SMOC2: variants seen among roughly 807,000 people sequenced by gnomAD.
SMOC2 encodes the protein SPARC related modular calcium binding 2, also known as SPARC-related modular calcium-binding protein 2.
In SMOC2, 39 loss-of-function variants were observed where a neutral mutation model predicts 61.4. The observed-to-expected ratio is 0.64, with a 90% CI of 0.49 to 0.83. The LOEUF (loss-of-function observed/expected upper bound fraction) is 0.83, where lower values mean the gene tolerates loss of function less well. Ranked by LOEUF, SMOC2 falls within the 40% of genes least tolerant of loss-of-function variation. The probability of loss-of-function intolerance (pLI) is 0.00; values close to 1 mark genes in which losing one functional copy is unlikely to be tolerated. For synonymous variants in SMOC2, 247 were observed against 239.9 expected (o/e 1.03, Z -0.27); for missense variants, 556 against 592.9 (o/e 0.94, Z 0.65).
chr6:168,524,552 G>T (rs1182475661), intron 2 of SMOC2, among the ~76,000 whole-genome samples: 1 of 152,168 alleles, frequency 6.6e-6, no homozygotes, highest in Non-Finnish European at 1.5e-5. Flanking sequence ...TCAAATATTA[G>T]ACCTAATTTA....
At chr6:168,518,565 G>A (rs984876323) in intron 2 of SMOC2, among the ~76,000 whole-genome samples, 1 of 150,134 alleles carries the variant, frequency 6.7e-6, no homozygotes, top group Non-Finnish European at 1.5e-5. Flanking sequence ...GTGAGTGCAT[G>A]TATGTGACAA....
At chr6:168,648,704 AC>A (rs1787110595) in intron 9 of SMOC2, among the ~76,000 whole-genome samples, 1 of 152,100 alleles carries the variant, frequency 6.6e-6, no homozygotes, top group Non-Finnish European at 1.5e-5. Context: ...ACTAACACAG[AC>A]CTTTTTGCAC....
intron 9 of SMOC2, among the ~76,000 whole-genome samples, chr6:168,620,412 C>T (rs556865865): frequency 1.3e-4 from 20 of 152,152 alleles, no homozygotes; most frequent in South Asian, 2.1e-4. Flanking sequence ...ATCCAGCTCC[C>T]GTACTCTGGA....
At chr6:168,510,173 T>A in intron 2 of SMOC2, 87 bp downstream of exon 2, 1 of 1,372,058 alleles carries the variant, frequency 7.3e-7, no homozygotes, top group Non-Finnish European at 1.0e-6. Context: ...TGATAACTTT[T>A]TACATTTACA....
rs1374903114 is a variant in SMOC2, at chr6:168,553,864, C to T, written c.637+4661C>T. 1.3e-5 allele frequency among the ~76,000 whole-genome samples: 2 copies of T among 152,114 alleles called. No individual in the cohort carries two copies. The highest frequency in any genetic ancestry group is 2.4e-5 in the African/African-American group (1 of 41,332). ...AACATGTGGAAGGCCAGCTGTCTCA[C>T]ATTTTGGTAGGAGGATTATTCCATG... On this transcript the variant is annotated intron_variant, in intron 7 of 12. Transcript: ENST00000356284. This position sits in a 1 kb window ranked among gnomAD's most constrained non-coding sequence, Gnocchi z 4.2.
intron 4 of SMOC2, among the ~76,000 whole-genome samples, chr6:168,538,911 TC>T: frequency 6.6e-6 from 1 of 152,158 alleles, no homozygotes; most frequent in African/African-American, 2.4e-5. Context: ...GCTGACCACA[TC>T]CCCGGAGTCC....
intron 1 of SMOC2, among the ~76,000 whole-genome samples, chr6:168,486,836 A>G (rs1458969287): frequency 1.3e-5 from 2 of 152,146 alleles, no homozygotes; most frequent in African/African-American, 2.4e-5. Context: ...TTCATTACCA[A>G]GTAGAAGTCC....
Position 168,530,722 on chromosome 6 carries a change from C to T in SMOC2, c.463+2995C>T, listed in dbSNP as rs558936831. ...TGACTTGCTGGTGAGGACAGAGCTG[C>T]GGGTGTGGTGGGAACTGGTACTGCC... On this transcript the variant is annotated intron_variant, in intron 4 of 12. Transcript: ENST00000356284. 6.5e-5 allele frequency among the ~76,000 whole-genome samples: 9 copies of T among 139,260 alleles called. No homozygotes were observed. In the South Asian group the frequency reaches 2.0e-3, roughly 30 times the overall value. The allele number at this position is 139,260 out of a possible 152,430, so 91.4% of individuals were successfully genotyped here. A position where few individuals can be genotyped will look rare whatever the true frequency, so the allele number is the denominator to read the frequency against.
rs1406563966 is a variant in SMOC2 at position 168,592,623 on chromosome 6, G to T, written c.638-6195G>T. 1.5e-4 allele frequency among the ~76,000 whole-genome samples: 19 copies of T among 126,416 alleles called. 1 individual carries two copies. The highest frequency in any genetic ancestry group is 2.5e-4 in the Non-Finnish European group (15 of 58,962). The allele number at this position is 126,416 out of a possible 152,430, so 82.9% of individuals were successfully genotyped here. On this transcript the variant is annotated intron_variant, in intron 7 of 12. Transcript: ENST00000356284. ...CGCGGAGCTCCTCCTCCTTCCTGAG[G>T]CTTCACGGGCATCTTTCTAGAGGAT...
At chr6:168,485,826 G>A (rs1289908717) in intron 1 of SMOC2, among the ~76,000 whole-genome samples, 4 of 152,166 alleles carry the variant, frequency 2.6e-5, no homozygotes, top group Non-Finnish European at 4.4e-5. Flanking sequence ...TTGTGTGATA[G>A]GGGAATTGTA....
chr6:168,604,196 G>GCT (rs1785628906), intron 8 of SMOC2, among the ~76,000 whole-genome samples: 1 of 152,174 alleles, frequency 6.6e-6, no homozygotes, highest in African/African-American at 2.4e-5. Context: ...ATGCCACAGT[G>GCT]CTCAGAGGAC....
intron 7 of SMOC2, among the ~76,000 whole-genome samples, chr6:168,562,392 A>G (rs377465562): frequency 0.042 from 1,046 of 24,906 alleles, 4 homozygotes; most frequent in Middle Eastern, 0.15. Context: ...CTCTCACTGC[A>G]TTCTTGGAGG....
intron 11 of SMOC2, among the ~76,000 whole-genome samples, chr6:168,663,785 A>C (rs1022104095): frequency 2.6e-5 from 4 of 152,240 alleles, no homozygotes; most frequent in African/African-American, 9.6e-5. Flanking sequence ...CATTATAAGT[A>C]GTCTACAGAT....
chr6:168,491,338 T>A (rs993836429), intron 1 of SMOC2, among the ~76,000 whole-genome samples: 1 of 152,170 alleles, frequency 6.6e-6, no homozygotes. Context: ...GCTAAGATAA[T>A]GCAAAGATGT....
rs536163999 is a variant in SMOC2 at position 168,518,603 on chromosome 6, ATG to A, written c.257-7736_257-7735del. ...CATGTATGTGTGTGAATGTGTGTTC[ATG>A]TGTGTGCATGTATGACTGAGTGCAT... On this transcript the variant is annotated intron_variant, in intron 2 of 12. Coordinates refer to ENST00000356284, the MANE Select transcript of SMOC2 (RefSeq NM_001166412.2). Among the ~76,000 whole-genome samples, 238 of 138,664 alleles carry A rather than the reference ATG, an allele frequency of 1.7e-3. 4 individuals carry two copies. The South Asian group carries it at 0.033, about 19-fold the overall frequency. 91.0% of individuals were successfully genotyped at this position (138,664 alleles called of 152,430 possible).
chr6:168,662,420 G>T (rs9455683), intron 11 of SMOC2, among the ~76,000 whole-genome samples: 20,318 of 152,176 alleles, frequency 0.13, 3,566 homozygotes, highest in African/African-American at 0.41. Context: ...GGGCCGTCGG[G>T]TGGAGAGCAG....
chr6:168,540,014 G>A (rs951380409), intron 4 of SMOC2, among the ~76,000 whole-genome samples: 1 of 152,212 alleles, frequency 6.6e-6, no homozygotes, highest in African/African-American at 2.4e-5. Flanking sequence ...ATGACTTCAA[G>A]TCTGTGAAGG....
In SMOC2 at chr6:168,564,755, C is replaced by G. The variant is rs149001539; in HGVS notation, c.637+15552C>G. Among the ~76,000 whole-genome samples, 114 of 152,318 alleles carry G rather than the reference C, an allele frequency of 7.5e-4. 1 individual carries two copies. In the East Asian group the frequency reaches 0.01, roughly 14 times the overall value. ...TTGTGAGCCAGTGTCAAGCCCATGA[C>G]AGGAGGCTGATGACGGGCAGCCGCT... On this transcript the variant is annotated intron_variant, in intron 7 of 12. Transcript: ENST00000356284.
At chr6:168,661,335 G>C (rs1787504234) in intron 11 of SMOC2, among the ~76,000 whole-genome samples, 1 of 152,056 alleles carries the variant, frequency 6.6e-6, no homozygotes, top group South Asian at 2.1e-4. Flanking sequence ...AAATCAGCCG[G>C]GCGTGGTAGC....
Sources: gnomAD v4.1 joint callset for allele counts (sites outside exome capture counted in the v4.1 genomes callset) on GRCh38, gnomAD v4.1.1 for gene constraint, Gnocchi (gnomAD v3.1) non-coding constraint, MANE v1.5 for transcripts, NCBI Gene and HGNC (gene_info 2026-07-23, HGNC 2026-07-21) for gene names.